The following MAPK10 variants were observed in gnomAD, a reference collection of about 807,000 sequenced individuals.
MAPK10 encodes the protein mitogen-activated protein kinase 10.
Under a neutral mutation model 59.3 loss-of-function variants are expected in MAPK10, and 25 were observed. That is an observed-to-expected ratio of 0.42 (90% CI 0.31 to 0.59). The LOEUF is 0.59. Among genes scored for constraint, MAPK10 ranks in the 20% least tolerant of loss-of-function variants. The pLI is 0.15. For synonymous variants in MAPK10, 190 were observed against 200.5 expected, an observed-to-expected ratio of 0.95 and a Z score of 0.44; for missense variants, 351 against 568.9, an observed-to-expected ratio of 0.62 and a Z score of 3.90.
intron 1 of MAPK10, among the ~76,000 whole-genome samples, chr4:86,497,270 G>A (rs1304023306): frequency 6.6e-6 from 1 of 152,178 alleles, no homozygotes; most frequent in Non-Finnish European, 1.5e-5. Flanking sequence ...CATTGTCAAT[G>A]CCTGGAAGAT....
At chr4:86,162,315 A>T (rs2070024719) in intron 3 of MAPK10, among the ~76,000 whole-genome samples, 2 of 151,954 alleles carry the variant, frequency 1.3e-5, no homozygotes, top group Admixed American at 6.6e-5. Context: ...TGCCATAGTA[A>T]ACTATGTGTG....
At chr4:86,176,536 A>G (rs775521495) in intron 3 of MAPK10, among the ~76,000 whole-genome samples, 1 of 152,140 alleles carries the variant, frequency 6.6e-6, no homozygotes, top group East Asian at 1.9e-4. Context: ...CCAATACAGA[A>G]AAGTTAATTA....
intron 11 of MAPK10, among the ~76,000 whole-genome samples, chr4:86,063,936 C>G (rs904498107): frequency 6.6e-6 from 1 of 151,950 alleles, no homozygotes; most frequent in Non-Finnish European, 1.5e-5. Flanking sequence ...CTGTTGTTTC[C>G]TACCACTAAG....
chr4:86,443,775 C>T (rs1749697551), intron 1 of MAPK10, among the ~76,000 whole-genome samples: 1 of 152,162 alleles, frequency 6.6e-6, no homozygotes, highest in Non-Finnish European at 1.5e-5. Context: ...GAACAAGCAT[C>T]AGAACAAGAC....
intron 1 of MAPK10, among the ~76,000 whole-genome samples, chr4:86,548,940 A>G (rs1458621771): frequency 6.6e-6 from 1 of 152,118 alleles, no homozygotes; most frequent in Non-Finnish European, 1.5e-5. Context: ...GCCCGACTAA[A>G]TATACGTTTT....
intron 3 of MAPK10, among the ~76,000 whole-genome samples, chr4:86,161,900 A>G (rs891685227): frequency 6.6e-6 from 1 of 151,992 alleles, no homozygotes; most frequent in Non-Finnish European, 1.5e-5. Flanking sequence ...CTCAGTCAAT[A>G]TATCATAGTT....
chr4:86,067,461 A>G (rs371714887), intron 10 of MAPK10, among the ~76,000 whole-genome samples: 76 of 152,230 alleles, frequency 5.0e-4, no homozygotes, highest in African/African-American at 1.8e-3. Context: ...TATCCAGACA[A>G]TTCTAAAATC....
intron 3 of MAPK10, among the ~76,000 whole-genome samples, chr4:86,187,088 C>A (rs189770539): frequency 6.6e-6 from 1 of 152,114 alleles, no homozygotes; most frequent in Non-Finnish European, 1.5e-5. Context: ...TCAGGCTAAT[C>A]AGTTCGTATG....
chr4:86,320,481 G>A (rs2095867673), intron 2 of MAPK10, among the ~76,000 whole-genome samples: 1 of 152,154 alleles, frequency 6.6e-6, no homozygotes, highest in Non-Finnish European at 1.5e-5. Context: ...AGAAAGAATG[G>A]TATCAATGAC....
chr4:86,206,854 G>A (rs2084176960), intron 2 of MAPK10, among the ~76,000 whole-genome samples: 1 of 152,288 alleles, frequency 6.6e-6, no homozygotes, highest in East Asian at 1.9e-4. Context: ...CTTTTGAGAA[G>A]TGTCTGTTCA....
intron 2 of MAPK10, among the ~76,000 whole-genome samples, chr4:86,229,947 G>C (rs1381742673): frequency 6.6e-6 from 1 of 152,146 alleles, no homozygotes; most frequent in Non-Finnish European, 1.5e-5. Context: ...TGTGGTTCCA[G>C]CTACACAGGA....
At chr4:86,087,113 C>T (rs144577482) in intron 9 of MAPK10, among the ~76,000 whole-genome samples, 2 of 152,112 alleles carry the variant, frequency 1.3e-5, no homozygotes, top group Admixed American at 6.6e-5. Context: ...AAATGACACA[C>T]GAGCAACTTT....
chr4:86,183,984 G>C (rs1363267172), intron 3 of MAPK10, among the ~76,000 whole-genome samples: 1 of 152,104 alleles, frequency 6.6e-6, no homozygotes, highest in Non-Finnish European at 1.5e-5. Context: ...TTTTGATGGG[G>C]TTGTTTGTAT....
chr4:86,337,929 C>T (rs1426308001), intron 2 of MAPK10, among the ~76,000 whole-genome samples: 1 of 152,164 alleles, frequency 6.6e-6, no homozygotes, highest in East Asian at 1.9e-4. Flanking sequence ...TTCCAATTTC[C>T]TCCAATCCTA....
intron 2 of MAPK10, among the ~76,000 whole-genome samples, chr4:86,289,511 G>A (rs1214064544): frequency 6.6e-6 from 1 of 151,276 alleles, no homozygotes; most frequent in Admixed American, 6.6e-5. Context: ...TTCAGTTATA[G>A]CATTATATAG....
rs552687722 is a variant in MAPK10, at chr4:86,149,089, C to A, written c.236+10209G>T. ...TGTGCTAGATTCATTCCATTGTTCC[C>A]AAATTTCTCCCACTTTGATCCAGTT... On this transcript the variant is annotated intron_variant, in intron 4 of 13. Transcript: ENST00000641462. Among the ~76,000 whole-genome samples the A allele has an allele frequency of 3.9e-5, 6 of 152,206 alleles. No homozygotes were observed. The East Asian group carries it at 1.2e-3, about 29-fold the overall frequency.
chr4:86,057,716 G>A (rs116559359), intron 11 of MAPK10, among the ~76,000 whole-genome samples: 1,544 of 149,692 alleles, frequency 0.01, 180 homozygotes, highest in African/African-American at 0.036. Flanking sequence ...ATACTAAACT[G>A]TTAACAAATA....
At chr4:86,568,089 T>G (rs1386761400) in intron 1 of MAPK10, among the ~76,000 whole-genome samples, 1 of 152,132 alleles carries the variant, frequency 6.6e-6, no homozygotes, top group Non-Finnish European at 1.5e-5. Context: ...ACAAATGACT[T>G]CAGCAAAGGT....
intron 1 of MAPK10, among the ~76,000 whole-genome samples, chr4:86,591,486 A>G (rs1274752146): frequency 6.6e-6 from 1 of 151,910 alleles, no homozygotes; most frequent in Non-Finnish European, 1.5e-5. Context: ...CAATCCTCCC[A>G]CCTCAGCCTC....
Sources: allele counts gnomAD v4.1 joint callset (sites outside exome capture counted in the v4.1 genomes callset), GRCh38; gene constraint gnomAD v4.1.1; transcripts MANE v1.5; gene names NCBI Gene and HGNC (gene_info 2026-07-23, HGNC 2026-07-21).